Variants in NFIB observed in about 807,000 individuals in gnomAD.
The protein encoded by NFIB is nuclear factor I B.
NFIB carries 11 observed loss-of-function variants against 61.5 expected under a neutral mutation model. The ratio of observed to expected loss-of-function variants is 0.18; its 90% CI spans 0.11 to 0.30. NFIB has a LOEUF of 0.30. Ranked by LOEUF, NFIB falls within the 10% of genes least tolerant of loss-of-function variation. NFIB has a pLI of 1.00. For synonymous variants in NFIB, 260 were observed against 216.5 expected, an observed-to-expected ratio of 1.20 and a Z score of -1.76; for missense variants, 471 against 608.9, an observed-to-expected ratio of 0.77 and a Z score of 2.38.
At chr9:14,089,628 T>C (rs939532056) in intron 10 of NFIB, among the ~76,000 whole-genome samples, 43 of 152,158 alleles carry the variant, frequency 2.8e-4, no homozygotes, top group Non-Finnish European at 2.8e-4. Flanking sequence ...ATATTAGTCA[T>C]GGCCTAGCAT....
chr9:14,493,509 T>C, the NFIB span, among the ~76,000 whole-genome samples: 1 of 152,244 alleles, frequency 6.6e-6, no homozygotes, highest in Admixed American at 6.5e-5. Context: ...TAGCATCACC[T>C]TGATGCTTAA....
At chr9:14,497,851 G>A in the NFIB span, among the ~76,000 whole-genome samples, 1 of 152,200 alleles carries the variant, frequency 6.6e-6, no homozygotes, top group African/African-American at 2.4e-5. Flanking sequence ...TAAAGGACTT[G>A]TCATGCCATT....
chr9:14,221,270 A>G (rs1256523490), intron 2 of NFIB, among the ~76,000 whole-genome samples: 1 of 152,180 alleles, frequency 6.6e-6, no homozygotes, highest in African/African-American at 2.4e-5. Flanking sequence ...TAATATTGCA[A>G]ATAGTTACTA....
At position 14,084,354 on chromosome 9, in the gene NFIB, G is replaced by A. The variant is rs942545158; in HGVS notation, c.*3955C>T. The A allele has an allele frequency of 9.1e-6, 2 of 219,230 alleles. No homozygotes were observed. The highest frequency in any genetic ancestry group is 2.2e-5 in the African/African-American group (1 of 44,492). 13.6% of individuals were successfully genotyped at this position (219,230 alleles called of 1,614,324 possible). On this transcript the variant is annotated 3_prime_UTR_variant, in exon 11 of 11. Transcript: ENST00000380953. ...ACAAATTACTGTCTACAAGGTAGGC[G>A]GTTCATTAAGAAGACCTTTCGCTCT...
intron 1 of NFIB, among the ~76,000 whole-genome samples, chr9:14,381,239 T>C (rs1393336843): frequency 6.6e-6 from 1 of 152,054 alleles, no homozygotes; most frequent in Non-Finnish European, 1.5e-5. Flanking sequence ...TCGCCCAGGC[T>C]GGAGTGCAGT....
chr9:14,328,636 A>G (rs1367659100), intron 1 of NFIB, among the ~76,000 whole-genome samples: 3 of 152,034 alleles, frequency 2.0e-5, no homozygotes, highest in Admixed American at 1.3e-4. Context: ...TGTAATATAT[A>G]TATATATGAT....
chr9:14,511,477 G>A, the NFIB span, among the ~76,000 whole-genome samples: 1 of 151,210 alleles, frequency 6.6e-6, no homozygotes, highest in East Asian at 1.9e-4. Flanking sequence ...TTATATAATA[G>A]TTTCTGTATA....
chr9:14,382,722 A>G (rs559717966), intron 1 of NFIB, among the ~76,000 whole-genome samples: 32 of 152,222 alleles, frequency 2.1e-4, no homozygotes, highest in African/African-American at 7.7e-4. Flanking sequence ...GTGTCTATCA[A>G]TAGGATAACC....
intron 1 of NFIB, among the ~76,000 whole-genome samples, chr9:14,393,461 A>T (rs1263303188): frequency 6.6e-6 from 1 of 152,198 alleles, no homozygotes; most frequent in African/African-American, 2.4e-5. Context: ...CTGGAAGCAC[A>T]GTCCTATACT....
chr9:14,511,939 T>C, the NFIB span, among the ~76,000 whole-genome samples: 1 of 152,174 alleles, frequency 6.6e-6, no homozygotes, highest in South Asian at 2.1e-4. Flanking sequence ...TATAGTTAAT[T>C]TGTAAGTTAA....
intron 2 of NFIB, among the ~76,000 whole-genome samples, chr9:14,240,718 G>A (rs571282026): frequency 7.2e-5 from 11 of 152,256 alleles, no homozygotes; most frequent in African/African-American, 2.2e-4. Flanking sequence ...TACCGTCTGC[G>A]TTGTACTTCT....
intron 6 of NFIB, among the ~76,000 whole-genome samples, chr9:14,133,789 G>C (rs964271259): frequency 1.3e-5 from 2 of 152,198 alleles, no homozygotes; most frequent in Non-Finnish European, 2.9e-5. Context: ...AGATACTTAA[G>C]ATCCCAGTCC....
At chr9:14,327,741 A>T (rs1204764896) in intron 1 of NFIB, among the ~76,000 whole-genome samples, 1 of 152,202 alleles carries the variant, frequency 6.6e-6, no homozygotes, top group Admixed American at 6.5e-5. Flanking sequence ...AATAGTGTTC[A>T]TATAGAAACC....
intron 1 of NFIB, among the ~76,000 whole-genome samples, chr9:14,324,007 C>T (rs912471809): frequency 2.6e-5 from 4 of 152,130 alleles, no homozygotes; most frequent in African/African-American, 9.7e-5. Context: ...CCCAATTTCT[C>T]CTCCAAAAAA....
intron 2 of NFIB, among the ~76,000 whole-genome samples, chr9:14,238,424 G>A (rs747634036): frequency 9.2e-5 from 14 of 152,260 alleles, no homozygotes; most frequent in South Asian, 2.1e-4. Context: ...AAAATTCACT[G>A]CATTAAAAGC....
In NFIB at chr9:14,252,967, A is replaced by G. The variant is rs183449998; in HGVS notation, c.562+54022T>C. ...GAAGGAAAGGAGGGAGGAAGGAAGGAAGGGAGGGAGGGAGGGAGGGAAGGC... is the reference window on the plus strand; with the variant it reads ...GAAGGAAAGGAGGGAGGAAGGAAGGGAGGGAGGGAGGGAGGGAGGGAAGGC... On this transcript the variant is annotated intron_variant, in intron 2 of 10. Transcript: ENST00000380953. Among the ~76,000 whole-genome samples, 745 of 137,364 alleles carry G rather than the reference A, an allele frequency of 5.4e-3. 10 individuals are homozygous for G. The highest frequency in any genetic ancestry group is 0.018 in the African/African-American group (676 of 37,288). 90.1% of individuals were successfully genotyped at this position (137,364 alleles called of 152,430 possible).
At chr9:14,405,019 A>T in the NFIB span, among the ~76,000 whole-genome samples, 1 of 152,186 alleles carries the variant, frequency 6.6e-6, no homozygotes, top group Admixed American at 6.5e-5. Context: ...TGTATTTTTC[A>T]GTCTCCCTTT....
At chr9:14,108,479 A>G (rs1220472681) in intron 10 of NFIB, among the ~76,000 whole-genome samples, 2 of 152,148 alleles carry the variant, frequency 1.3e-5, no homozygotes, top group Admixed American at 1.3e-4. Flanking sequence ...AATGAGAAGT[A>G]CTTTCAAATT....
chr9:14,113,088 A>G lies in NFIB; in HGVS notation c.1385-7T>C, dbSNP rs1428096837. ...GTGCCTGAGGCTGTGTAGGCTGATTAAGGAAGAACAAAAACAAAGATAAAA... is the reference window on the plus strand; with the variant it reads ...GTGCCTGAGGCTGTGTAGGCTGATTGAGGAAGAACAAAAACAAAGATAAAA... On this transcript the variant is annotated splice_region_variant and splice_polypyrimidine_tract_variant and intron_variant, in intron 9 of 10. Coordinates refer to ENST00000380953, the MANE Select transcript of NFIB (RefSeq NM_001190737.2). 6.5e-7 allele frequency: 1 copy of G among 1,548,126 alleles called. No homozygotes were observed. Among genetic ancestry groups the G allele is most frequent in the Non-Finnish European group, 8.7e-7 (1 of 1,145,974 alleles).
Sources: gnomAD v4.1 joint callset for allele counts (sites outside exome capture counted in the v4.1 genomes callset) on GRCh38, gnomAD v4.1.1 for gene constraint, MANE v1.5 for transcripts, NCBI Gene and HGNC (gene_info 2026-07-23, HGNC 2026-07-21) for gene names.